TNFSF13B: variants seen among roughly 807,000 people sequenced by gnomAD.
TNFSF13B encodes the protein tumor necrosis factor ligand superfamily member 13B.
In TNFSF13B, 8 loss-of-function variants were observed where a neutral mutation model predicts 29.1. The observed-to-expected ratio is 0.27, with a 90% confidence interval of 0.16 to 0.50. The LOEUF is 0.50. Among genes scored for constraint, TNFSF13B ranks in the 20% least tolerant of loss-of-function variants. TNFSF13B has a pLI of 0.98. For synonymous variants in TNFSF13B, 125 were observed against 130.8 expected (o/e 0.96, Z 0.30); for missense variants, 248 against 334.9 (o/e 0.74, Z 2.03).
At chr13:108,293,576 A>G (rs180865322) in intron 3 of TNFSF13B, among the ~76,000 whole-genome samples, 1 of 152,178 alleles carries the variant, frequency 6.6e-6, no homozygotes, top group East Asian at 1.9e-4. Context: ...CTTCTCTTTT[A>G]TTTATATGTC....
intron 3 of TNFSF13B, among the ~76,000 whole-genome samples, chr13:108,290,547 T>C (rs1352028901): frequency 6.6e-6 from 1 of 152,194 alleles, no homozygotes; most frequent in African/African-American, 2.4e-5. Flanking sequence ...CATTTGTATT[T>C]CTGTCTTTAC....
At chr13:108,295,169 T>C (rs757155690) in intron 3 of TNFSF13B, among the ~76,000 whole-genome samples, 1 of 144,828 alleles carries the variant, frequency 6.9e-6, no homozygotes, top group Non-Finnish European at 1.5e-5. Context: ...TTCAGTGTTA[T>C]TGTTTCGTCT....
chr13:108,271,944 T>C (rs893795020), intron 2 of TNFSF13B, among the ~76,000 whole-genome samples: 132 of 152,302 alleles, frequency 8.7e-4, no homozygotes, highest in African/African-American at 3.1e-3. Flanking sequence ...AAAATTCATA[T>C]AGTGGAATAT....
chr13:108,305,380 G>A (rs1881742857), intron 5 of TNFSF13B, among the ~76,000 whole-genome samples: 2 of 152,034 alleles, frequency 1.3e-5, no homozygotes, highest in African/African-American at 4.8e-5. Context: ...TTAATAAAAT[G>A]TTTATTAGAA....
chr13:108,281,295 A>G (rs1880946916), intron 2 of TNFSF13B, among the ~76,000 whole-genome samples: 1 of 152,166 alleles, frequency 6.6e-6, no homozygotes, highest in Non-Finnish European at 1.5e-5. Flanking sequence ...ATTTGTCATC[A>G]TTCCATCAGC....
chr13:108,301,458 A>C (rs760430749), intron 3 of TNFSF13B: 1 of 152,252 alleles, frequency 6.6e-6, no homozygotes, highest in Admixed American at 6.5e-5. Context: ...GTGGAATACT[A>C]TTCAGCATAA....
In TNFSF13B at chr13:108,296,335, ACT is replaced by A. The variant is rs1261882699; in HGVS notation, c.482-6913_482-6912del. On this transcript the variant is annotated intron_variant, in intron 3 of 5. Coordinates refer to ENST00000375887, the MANE Select transcript of TNFSF13B (RefSeq NM_006573.5). Reference sequence around the variant, plus strand: ...ATTGACTCTGTTATCAATATTTAATACTCTCTTTGTTTCATAAAAATTTTTGG... The same window carrying A: ...ATTGACTCTGTTATCAATATTTAATACTCTTTGTTTCATAAAAATTTTTGG... Among the ~76,000 whole-genome samples, 6 of 145,672 alleles carry A rather than the reference ACT, an allele frequency of 4.1e-5. 1 individual carries two copies. Among genetic ancestry groups the A allele is most frequent in the Middle Eastern group, 3.5e-3 (1 of 282 alleles).
chr13:108,294,146 T>C (rs1881398769), intron 3 of TNFSF13B, among the ~76,000 whole-genome samples: 1 of 152,028 alleles, frequency 6.6e-6, no homozygotes, highest in Non-Finnish European at 1.5e-5. Flanking sequence ...ACTGAATTCA[T>C]TGATTAGTTT....
chr13:108,305,281 G>C (rs879429135), intron 5 of TNFSF13B, among the ~76,000 whole-genome samples: 1 of 152,030 alleles, frequency 6.6e-6, no homozygotes, highest in Non-Finnish European at 1.5e-5. Context: ...ATAGCAACCT[G>C]AAAAGATGTA....
rs1217079729 is a variant in TNFSF13B, at chr13:108,296,255, T to G, written c.482-6998T>G. Among the ~76,000 whole-genome samples the G allele has an allele frequency of 4.1e-5, 6 of 145,924 alleles. 2 individuals carry two copies. Among genetic ancestry groups the G allele is most frequent in the African/African-American group, 1.5e-4 (6 of 38,908 alleles). On this transcript the variant is annotated intron_variant, in intron 3 of 5. Transcript: ENST00000375887. ...TCCTTTCGGTTCAGCCAATATCTGC[T>G]TATATCTTGAGGTTCTGTTGAGTGA... is the stretch of plus-strand genomic sequence containing the variant.
intron 2 of TNFSF13B, among the ~76,000 whole-genome samples, chr13:108,283,977 A>C (rs564879806): frequency 6.6e-6 from 1 of 152,188 alleles, no homozygotes; most frequent in Non-Finnish European, 1.5e-5. Context: ...CAACACAGAC[A>C]TTCAGACCAT....
At chr13:108,277,107 G>A (rs1344139715) in intron 2 of TNFSF13B, among the ~76,000 whole-genome samples, 3 of 152,144 alleles carry the variant, frequency 2.0e-5, no homozygotes, top group Admixed American at 1.3e-4. Context: ...ATTATCAGGC[G>A]TGTTTCATGT....
At chr13:108,288,877 A>G (rs768440929) in intron 3 of TNFSF13B, among the ~76,000 whole-genome samples, 12 of 152,142 alleles carry the variant, frequency 7.9e-5, no homozygotes, top group Non-Finnish European at 1.5e-4. Context: ...GCAAAACAAC[A>G]CTAGCACAGA....
In TNFSF13B at chr13:108,282,540, G is replaced by T. The variant is rs183862696; in HGVS notation, c.425-4263G>T. On this transcript the variant is annotated intron_variant, in intron 2 of 5. Coordinates refer to ENST00000375887, the MANE Select transcript of TNFSF13B (RefSeq NM_006573.5). ...TTAGTATTTAAATTACACTCTAATT[G>T]TGAAGTATTGAATTTTATTGTGTTA... is the stretch of plus-strand genomic sequence containing the variant. Among the ~76,000 whole-genome samples the T allele has an allele frequency of 3.0e-3, 464 of 152,206 alleles. 1 individual carries two copies. The highest frequency in any genetic ancestry group is 4.9e-3 in the Non-Finnish European group (333 of 68,008).
At chr13:108,273,070 A>G (rs571599990) in intron 2 of TNFSF13B, among the ~76,000 whole-genome samples, 1 of 152,062 alleles carries the variant, frequency 6.6e-6, no homozygotes, top group Non-Finnish European at 1.5e-5. Context: ...GTGAAAAAAA[A>G]TTTGCCCAGA....
intron 3 of TNFSF13B, among the ~76,000 whole-genome samples, chr13:108,295,998 G>A (rs1288486620): frequency 6.8e-6 from 1 of 146,066 alleles, no homozygotes; most frequent in Non-Finnish European, 1.5e-5. Context: ...AATTTAATGA[G>A]AATTATTTTG....
At chr13:108,273,474 T>C (rs1225036816) in intron 2 of TNFSF13B, among the ~76,000 whole-genome samples, 2 of 152,172 alleles carry the variant, frequency 1.3e-5, no homozygotes, top group Admixed American at 1.3e-4. Context: ...TAGCGCCCTT[T>C]GTAGTCTAGA....
At chr13:108,299,457 C>T (rs748526722) in intron 3 of TNFSF13B, among the ~76,000 whole-genome samples, 1 of 109,388 alleles carries the variant, frequency 9.1e-6, no homozygotes, top group Non-Finnish European at 2.1e-5. Flanking sequence ...TGCAGTTGTT[C>T]ACTTGTTTAG....
intron 2 of TNFSF13B, among the ~76,000 whole-genome samples, chr13:108,284,285 C>T (rs981597847): frequency 6.6e-6 from 1 of 151,952 alleles, no homozygotes; most frequent in Non-Finnish European, 1.5e-5. Context: ...GCTGAGATCG[C>T]GCCACTGCAC....
Sources: allele counts gnomAD v4.1 joint callset (sites outside exome capture counted in the v4.1 genomes callset), GRCh38; gene constraint gnomAD v4.1.1; transcripts MANE v1.5; gene names NCBI Gene and HGNC (gene_info 2026-07-23, HGNC 2026-07-21).